RAB11FIP1: variants seen among roughly 807,000 people sequenced by gnomAD.
The protein encoded by RAB11FIP1 is RAB11 family interacting protein 1.
A neutral mutation model predicts 83.1 loss-of-function variants in RAB11FIP1; 49 were observed. The observed-to-expected ratio is 0.59, with a 90% CI of 0.47 to 0.75. The LOEUF (loss-of-function observed/expected upper bound fraction) is 0.75. RAB11FIP1 is among the 30% of genes least tolerant of loss of function. RAB11FIP1 has a pLI of 0.00. For missense variants in RAB11FIP1, 1,536 were observed against 1,598.7 expected (o/e 0.96, Z 0.67); for synonymous variants, 670 against 656.0 (o/e 1.02, Z -0.33).
At position 37,870,437 on chromosome 8, in the gene RAB11FIP1, T is replaced by C. The variant is rs1274624725; in HGVS notation, c.3616A>G (p.Asn1206Asp). The change falls in exon 5 of 6, where the codon AAT becomes GAT. Residue 1206 changes from asparagine (N) to aspartate (D), a missense_variant. Coordinates refer to ENST00000330843, the MANE Select transcript of RAB11FIP1 (RefSeq NM_001002814.3). ...GGACATACCTTCATCATGACCTCAT[T>C]GTTCAAGTTCTCACTGATGATGGTG... ...TATIISENLN[N>D]EVMMKKYSPS... 16 of 1,605,864 alleles carry C rather than the reference T, an allele frequency of 1.0e-5. No individual in the cohort carries two copies. The highest frequency in any genetic ancestry group is 1.3e-5 in the African/African-American group (1 of 74,750).
In RAB11FIP1 at chr8:37,860,901, G is replaced by A. The variant is rs1306563209; in HGVS notation, c.*1994C>T. 3.3e-5 allele frequency: 5 copies of A among 152,608 alleles called. No homozygotes were observed. Among genetic ancestry groups the A allele is most frequent in the Non-Finnish European group, 7.3e-5 (5 of 68,044 alleles). 9.5% of individuals were successfully genotyped at this position (152,608 alleles called of 1,614,324 possible). On this transcript the variant is annotated 3_prime_UTR_variant, in exon 6 of 6. Coordinates refer to ENST00000330843, the MANE Select transcript of RAB11FIP1 (RefSeq NM_001002814.3). ...CACAGCAAACGAAATCCTGGAAAGAGATTGCACTGCCAATGATTTTGTCTC... is the reference window on the plus strand; with the variant it reads ...CACAGCAAACGAAATCCTGGAAAGAAATTGCACTGCCAATGATTTTGTCTC...
intron 1 of RAB11FIP1, among the ~76,000 whole-genome samples, chr8:37,894,739 T>TATATATATATAC (rs1416954611): frequency 1.4e-5 from 2 of 147,238 alleles, no homozygotes; most frequent in African/African-American, 5.0e-5. Context: ...TATATATATA[T>TATATATATATAC]ACACACACAC....
chr8:37,863,359 C>T (rs1185426484), intron 5 of RAB11FIP1, among the ~76,000 whole-genome samples: 1 of 152,102 alleles, frequency 6.6e-6, no homozygotes, highest in Admixed American at 6.6e-5. Context: ...GATTCTCCCA[C>T]CTCAGCCTCC....
intron 1 of RAB11FIP1, among the ~76,000 whole-genome samples, chr8:37,895,557 C>T (rs1807068838): frequency 1.3e-5 from 2 of 151,582 alleles, no homozygotes; most frequent in Non-Finnish European, 2.9e-5. Flanking sequence ...TCCCATTTAT[C>T]TGAGACCCAC....
intron 1 of RAB11FIP1, among the ~76,000 whole-genome samples, chr8:37,879,134 C>T (rs958028611): frequency 6.6e-6 from 1 of 151,878 alleles, no homozygotes; most frequent in Non-Finnish European, 1.5e-5. Context: ...ATGGCGAAAC[C>T]CCGTCTCTAC....
chr8:37,863,254 CTTT>C, intron 5 of RAB11FIP1, 141 bp from the exon 6 acceptor site: 1 of 647,742 alleles, frequency 1.5e-6, no homozygotes, highest in East Asian at 2.9e-5. Context: ...TTCTTTCTTT[CTTT>C]CTTTTTGAGA....
Position 37,871,707 on chromosome 8 carries a change from A to C in RAB11FIP1, c.3095T>G (p.Leu1032Arg), listed in dbSNP as rs1342142774. ...TGTCACAGATGCCTGGGGTGCTTGC[A>C]GCCTGAAATCACACAGGCCCTCCCC... ...VLGEGLCDFR[L>R]QAPQASVTAP... is the part of the protein sequence containing the mutation. The change falls in exon 4 of 6, where the codon CTG (leucine) becomes CGG (arginine). Residue 1032 changes from leucine to arginine, a missense_variant. Coordinates refer to ENST00000330843, the MANE Select transcript of RAB11FIP1 (RefSeq NM_001002814.3). 7 of 1,613,720 alleles carry C rather than the reference A, an allele frequency of 4.3e-6. 1 individual carries two copies. The South Asian group carries it at 5.5e-5, about 13-fold the overall frequency.
chr8:37,872,110 G>A lies in RAB11FIP1; in HGVS notation c.2692C>T (p.Pro898Ser). Residue 898 changes from proline (P) to serine (S), a missense_variant, in exon 4 of 6, where the codon CCC becomes TCC. Transcript: ENST00000330843. ...PSQEESFSEVPMSEASSAKDT... is the reference protein window; with the variant it reads ...PSQEESFSEVSMSEASSAKDT... ...TTCGCTGAGCTTGCTTCACTCATGG[G>A]GACTTCGGAGAAACTCTCCTCCTGG... 6.2e-7 allele frequency: 1 copy of A among 1,614,000 alleles called. No homozygotes were observed. The highest frequency in any genetic ancestry group is 1.1e-5 in the South Asian group (1 of 91,074).
intron 1 of RAB11FIP1, among the ~76,000 whole-genome samples, chr8:37,893,849 C>T (rs1279425391): frequency 6.6e-6 from 1 of 152,002 alleles, no homozygotes; most frequent in African/African-American, 2.4e-5. Context: ...GAACTTTCTC[C>T]ATACTAACTG....
intron 5 of RAB11FIP1, 117 bp downstream of exon 5, chr8:37,870,303 G>A (rs1806426077): frequency 1.7e-6 from 1 of 588,366 alleles, no homozygotes; most frequent in Non-Finnish European, 3.1e-6. Context: ...GACTCAAGAT[G>A]TATGACTAAG....
At chr8:37,877,603 A>G (rs889941407) in intron 1 of RAB11FIP1, 52 bp from the exon 2 acceptor site, 4 of 1,187,046 alleles carry the variant, frequency 3.4e-6, no homozygotes, top group East Asian at 2.3e-5. Context: ...AACTGCAACA[A>G]TGTTCACAAT....
At chr8:37,880,024 T>G (rs1806702999) in intron 1 of RAB11FIP1, among the ~76,000 whole-genome samples, 1 of 152,208 alleles carries the variant, frequency 6.6e-6, no homozygotes, top group Admixed American at 6.5e-5. Context: ...AGAATTACAC[T>G]TGGTCATTTG....
At chr8:37,894,653 C>T (rs910461802) in intron 1 of RAB11FIP1, among the ~76,000 whole-genome samples, 2 of 149,872 alleles carry the variant, frequency 1.3e-5, no homozygotes, top group South Asian at 2.1e-4. Context: ...TTTTGTTGCT[C>T]TTAGTATCCA....
chr8:37,865,220 TGAAA>T (rs1806319025), intron 5 of RAB11FIP1, among the ~76,000 whole-genome samples: 1 of 152,184 alleles, frequency 6.6e-6, no homozygotes, highest in Non-Finnish European at 1.5e-5. Flanking sequence ...GCATGGAGTT[TGAAA>T]GAGAGAGGGA....
At chr8:37,885,028 C>T (rs1246911572) in intron 1 of RAB11FIP1, among the ~76,000 whole-genome samples, 2 of 148,062 alleles carry the variant, frequency 1.4e-5, no homozygotes, top group Non-Finnish European at 3.0e-5. Flanking sequence ...GGAGTCTCAC[C>T]GTGTTGCACA....
chr8:37,872,299 G>C lies in RAB11FIP1; in HGVS notation c.2503C>G (p.Pro835Ala), dbSNP rs1563367414. The change falls in exon 4 of 6, where the codon CCC (proline) becomes GCC (alanine). Residue 835 changes from proline to alanine, a missense_variant. Pro to Ala is a conservative substitution (Grantham distance 27). Transcript: ENST00000330843. Reference protein sequence around the residue: ...ALLVEGHSSCPQELNPAWSVA... With the variant: ...ALLVEGHSSCAQELNPAWSVA... ...GACCATGCAGGGTTCAGCTCCTGGG[G>C]ACAACTGCTGTGTCCTTCCACCAGC... 1 of 1,614,036 alleles carries C rather than the reference G, an allele frequency of 6.2e-7. No individual in the cohort carries two copies. The highest frequency in any genetic ancestry group is 8.5e-7 in the Non-Finnish European group (1 of 1,179,986).
chr8:37,871,606 G>A lies in RAB11FIP1; in HGVS notation c.3196C>T (p.Leu1066=), dbSNP rs756378779. Residue 1066 remains leucine, a synonymous_variant, in exon 4 of 6, where the codon CTG becomes TTG. Transcript: ENST00000330843. ...LGKSSSLDKQ[L]PGPSGGEEEK... is the part of the protein sequence containing the mutation. ...TCCTCACCACCACTGGGGCCTGGCA[G>A]CTGTTTATCCAAGCTTGAGCTCTTG... The A allele has an allele frequency of 6.2e-7, 1 of 1,603,954 alleles. No individual in the cohort carries two copies. Among genetic ancestry groups the A allele is most frequent in the Non-Finnish European group, 8.5e-7 (1 of 1,173,276 alleles).
intron 1 of RAB11FIP1, among the ~76,000 whole-genome samples, chr8:37,896,351 T>C (rs1175006724): frequency 3.9e-5 from 6 of 152,160 alleles, no homozygotes; most frequent in South Asian, 4.2e-4. Context: ...TATCTTATTC[T>C]TTAAATCTCA....
chr8:37,880,767 C>CA (rs36034479), intron 1 of RAB11FIP1, among the ~76,000 whole-genome samples: 8,445 of 84,648 alleles, frequency 0.1, 482 homozygotes, highest in African/African-American at 0.21. Flanking sequence ...CTATCCCTTT[C>CA]AAAAAAAAAA....
Sources: gnomAD v4.1 joint callset for allele counts (sites outside exome capture counted in the v4.1 genomes callset) on GRCh38, gnomAD v4.1.1 for gene constraint, MANE v1.5 for transcripts, NCBI Gene and HGNC (gene_info 2026-07-23, HGNC 2026-07-21) for gene names.